SYNE1: variants seen among roughly 807,000 people sequenced by gnomAD.
SYNE1 encodes nesprin-1.
SYNE1 carries 616 observed loss-of-function variants against 1,111.0 expected under a neutral mutation model. The observed-to-expected ratio is 0.55, with a 90% CI of 0.52 to 0.59. SYNE1 has a LOEUF of 0.59. Among genes scored for constraint, SYNE1 ranks in the 20% least tolerant of loss-of-function variants. SYNE1 has a pLI of 0.00. For synonymous variants in SYNE1, 3,855 were observed against 3,825.8 expected (o/e 1.01, Z -0.28); for missense variants, 10,006 against 10,417.0 (o/e 0.96, Z 1.72).
At position 152,233,866 on chromosome 6, in the gene SYNE1, G is replaced by A. The variant is rs144417950; in HGVS notation, c.20627C>T (p.Thr6876Met). The A allele has an allele frequency of 1.3e-5, 21 of 1,614,062 alleles. No individual in the cohort carries two copies. The highest frequency in any genetic ancestry group is 4.4e-5 in the South Asian group (4 of 91,090). The change falls in exon 112 of 146, where the codon ACG (threonine) becomes ATG (methionine). Residue 6876 changes from threonine (T) to methionine (M), a missense_variant. Physicochemically the swap from Thr to Met is moderately conservative, Grantham distance 81. Transcript: ENST00000367255. ...LLRLKKVDTA[T>M]LRSELSRIDS... is the part of the protein sequence containing the mutation. ...AATGCGCGACAGCTCAGAGCGCAGC[G>A]TGGCTGTGTCCACCTTTTTTAGTCG... is the stretch of plus-strand genomic sequence containing the variant.
In SYNE1 at chr6:152,236,129, T is replaced by C; in HGVS notation, c.20374A>G (p.Thr6792Ala). 1 of 1,614,188 alleles carries C rather than the reference T, an allele frequency of 6.2e-7. No individual in the cohort carries two copies. Among genetic ancestry groups the C allele is most frequent in the Non-Finnish European group, 8.5e-7 (1 of 1,180,016 alleles). ...KMSKELHRLETILKHWTRYQS... is the reference protein window; with the variant it reads ...KMSKELHRLEAILKHWTRYQS... ...TACCTGGTCCAGTGTTTCAATATTG[T>C]TTCCAGTCTGTGAAGTTCCTTAGAC... Residue 6792 changes from threonine (T) to alanine (A), a missense_variant, in exon 110 of 146, where the codon ACA (threonine) becomes GCA (alanine). Transcript: ENST00000367255.
At chr6:152,159,730 G>A (rs112135088) in intron 131 of SYNE1, among the ~76,000 whole-genome samples, 1 of 152,054 alleles carries the variant, frequency 6.6e-6, no homozygotes, top group Non-Finnish European at 1.5e-5. Flanking sequence ...TTGGCCTCTC[G>A]AAGTATTAGG....
In SYNE1 at chr6:152,160,047, G is replaced by A. The variant is rs529472422; in HGVS notation, c.23791-3950C>T. Among the ~76,000 whole-genome samples the A allele has an allele frequency of 1.3e-4, 20 of 151,790 alleles. No homozygotes were observed. The East Asian group carries it at 1.4e-3, about 10-fold the overall frequency. On this transcript the variant is annotated intron_variant, in intron 131 of 145. Coordinates refer to ENST00000367255, the MANE Select transcript of SYNE1 (RefSeq NM_182961.4). ...TTTTTAGACAGAGTCTCAGTCTGTC[G>A]CCAAGCTAGAGTACAGTGGCGCGAT...
intron 62 of SYNE1, 88 bp from the exon 63 acceptor site, chr6:152,365,107 A>G (rs1184141979): frequency 7.2e-6 from 11 of 1,530,828 alleles, no homozygotes; most frequent in South Asian, 2.3e-5. Flanking sequence ...AGATCACAGA[A>G]TAATATGCAA....
chr6:152,629,102 T>C (rs897501275), intron 2 of SYNE1, among the ~76,000 whole-genome samples: 3 of 152,128 alleles, frequency 2.0e-5, no homozygotes, highest in African/African-American at 7.2e-5. Flanking sequence ...ATGGGTATGA[T>C]TTAGTTTTTT....
chr6:152,510,153 A>G, intron 8 of SYNE1, 40 bp downstream of exon 8: 1 of 1,601,230 alleles, frequency 6.2e-7, no homozygotes, highest in Non-Finnish European at 8.6e-7. Flanking sequence ...TCATAACTCA[A>G]TTTAACGGTT....
chr6:152,253,821 T>TTTTTTTTG, intron 104 of SYNE1, among the ~76,000 whole-genome samples: 3 of 49,966 alleles, frequency 6.0e-5, no homozygotes, highest in Non-Finnish European at 9.6e-5. Context: ...TGGTTTGGTT[T>TTTTTTTTG]TTTTTTTTTT....
intron 8 of SYNE1, among the ~76,000 whole-genome samples, chr6:152,509,812 A>G (rs574303568): frequency 6.6e-6 from 1 of 152,320 alleles, no homozygotes; most frequent in East Asian, 1.9e-4. Context: ...CTTAAATAGA[A>G]CATAATAGTC....
chr6:152,164,784 A>T (rs561953302), intron 130 of SYNE1, among the ~76,000 whole-genome samples: 2 of 152,298 alleles, frequency 1.3e-5, no homozygotes, highest in Admixed American at 1.3e-4. Flanking sequence ...GCCCTTATTT[A>T]AAAATTGCTG....
intron 125 of SYNE1, among the ~76,000 whole-genome samples, chr6:152,207,478 A>G (rs1321646477): frequency 6.6e-6 from 1 of 152,146 alleles, no homozygotes; most frequent in Non-Finnish European, 1.5e-5. Context: ...ACTTTAAGGG[A>G]AGAGGAACTC....
chr6:152,586,327 T>C (rs1008127312), intron 3 of SYNE1, among the ~76,000 whole-genome samples: 2 of 152,190 alleles, frequency 1.3e-5, no homozygotes, highest in African/African-American at 4.8e-5. Context: ...AGGAACAAGT[T>C]ATGTCTTTCA....
chr6:152,168,106 T>C (rs767770269), intron 130 of SYNE1: 1 of 780,642 alleles, frequency 1.3e-6, no homozygotes, highest in Admixed American at 1.7e-5. Context: ...CTCAAGAAGA[T>C]GCCTGCCTTG....
rs76393834 is a variant in SYNE1, at chr6:152,417,008, G to A, written c.5429C>T (p.Ala1810Val). 2,643 of 1,614,028 alleles carry A rather than the reference G, an allele frequency of 1.6e-3. 36 individuals are homozygous for A. The African/African-American group carries it at 0.031, about 19-fold the overall frequency. The part of the protein sequence containing the change: ...QVALTRHKDH[A>V]AEVESKKGEL... ...GCCCTTTTTGCTCTCTACTTCTGCT[G>A]CGTGGTCCTGGAAGGGAAGAGAGAG... Residue 1810 changes from alanine (A) to valine (V), a missense_variant, in exon 41 of 146, where the codon GCA (alanine) becomes GTA (valine). Physicochemically the swap from Ala to Val is moderately conservative, Grantham distance 64 (BLOSUM62 0). Transcript: ENST00000367255.
intron 3 of SYNE1, among the ~76,000 whole-genome samples, chr6:152,587,034 G>T (rs1043300181): frequency 6.6e-6 from 1 of 152,118 alleles, no homozygotes; most frequent in African/African-American, 2.4e-5. Flanking sequence ...TCTTTGTAAA[G>T]GGTTATTTTG....
At chr6:152,159,134 T>C (rs1230796453) in intron 131 of SYNE1, among the ~76,000 whole-genome samples, 1 of 152,188 alleles carries the variant, frequency 6.6e-6, no homozygotes, top group Non-Finnish European at 1.5e-5. Flanking sequence ...GTATTTTTAG[T>C]AGGGACAGAA....
rs578359 is a variant in SYNE1 at position 152,396,569 on chromosome 6, C to G, written c.7556+206G>C. ...GTTACTAGTAAATATAGTTTGTTTT[C>G]TCTATATTAAAAAAAGCCAAGTCAT... is the stretch of plus-strand genomic sequence containing the variant. On this transcript the variant is annotated intron_variant, in intron 50 of 145. Coordinates refer to ENST00000367255, the MANE Select transcript of SYNE1 (RefSeq NM_182961.4). 0.39 allele frequency among the ~76,000 whole-genome samples: 59,697 copies of G among 151,880 alleles called. 12,205 individuals carry two copies. Among genetic ancestry groups the G allele is most frequent in the East Asian group, 0.76 (3,900 of 5,160 alleles).
At chr6:152,224,128 T>C (rs2080902095) in intron 117 of SYNE1, among the ~76,000 whole-genome samples, 2 of 152,216 alleles carry the variant, frequency 1.3e-5, no homozygotes, top group African/African-American at 2.4e-5. Context: ...TGTTTTCTTT[T>C]GAACATTCCT....
At chr6:152,218,524 G>T in intron 120 of SYNE1, 121 bp from the exon 121 acceptor site, 5 of 1,163,446 alleles carry the variant, frequency 4.3e-6, no homozygotes, top group South Asian at 2.7e-5. Flanking sequence ...GTATCAAATT[G>T]CCATTCTCTA....
At position 152,323,535 on chromosome 6, in the gene SYNE1, G is replaced by A. The variant is rs758942889; in HGVS notation, c.15860C>T (p.Pro5287Leu). The stretch of plus-strand genomic sequence containing the variant: ...CTGCATGAGCGGAGGCTCTTCCCCA[G>A]GGGTTGGGGCGGCTCCATCCTGGAG... ...SMLQDGAAPT[P>L]GEEPPLMQEI... Residue 5287 changes from proline (P) to leucine (L), a missense_variant, in exon 82 of 146, where the codon CCT (proline) becomes CTT (leucine). Physicochemically the swap from Pro to Leu is moderately conservative, Grantham distance 98. Coordinates refer to ENST00000367255, the MANE Select transcript of SYNE1 (RefSeq NM_182961.4). 3.7e-6 allele frequency: 6 copies of A among 1,614,114 alleles called. No homozygotes were observed. The South Asian group carries it at 5.5e-5, about 15-fold the overall frequency.
Sources: gnomAD v4.1 joint callset for allele counts (sites outside exome capture counted in the v4.1 genomes callset) on GRCh38, gnomAD v4.1.1 for gene constraint, MANE v1.5 for transcripts, NCBI Gene and HGNC (gene_info 2026-07-23, HGNC 2026-07-21) for gene names.